Variants in MAZ observed in about 807,000 individuals in gnomAD.
MAZ encodes the protein myc-associated zinc finger protein.
A neutral mutation model predicts 32.7 loss-of-function variants in MAZ; 4 were observed. The observed-to-expected ratio is 0.12, with a 90% CI of 0.06 to 0.28. The LOEUF is 0.28. Among genes scored for constraint, MAZ ranks in the 10% least tolerant of loss-of-function variants. The pLI is 1.00. For missense variants in MAZ, 763 were observed against 667.2 expected, an observed-to-expected ratio of 1.14 and a Z score of -1.58; for synonymous variants, 510 against 297.6, an observed-to-expected ratio of 1.71 and a Z score of -7.35.
At position 29,808,263 on chromosome 16, in the gene MAZ, G is replaced by A. The variant is rs1158670064; in HGVS notation, c.1077G>A (p.Val359=). 3 of 1,614,090 alleles carry A rather than the reference G, an allele frequency of 1.9e-6. No individual in the cohort carries two copies. Among genetic ancestry groups the A allele is most frequent in the South Asian group, 1.1e-5 (1 of 91,080 alleles). The change falls in exon 3 of 5, where the codon GTG becomes GTA. Residue 359 remains valine (V), a synonymous_variant. Coordinates refer to ENST00000322945, the MANE Select transcript of MAZ (RefSeq NM_002383.4). The part of the protein sequence containing the change: ...PDHLNSHVRQ[V]HSTERPFKCE... ...ACCTCAACAGTCACGTCAGACAAGT[G>A]CACTCAACAGAACGGCCCTTCAAAT...
intron 4 of MAZ, 156 bp downstream of exon 4, chr16:29,808,897 G>A: frequency 1.5e-6 from 1 of 660,844 alleles, no homozygotes; most frequent in Non-Finnish European, 2.6e-6. Context: ...ACACCTGAAT[G>A]AACATCATTA....
In MAZ at chr16:29,807,688, C is replaced by T. The variant is rs147807970; in HGVS notation, c.903C>T (p.His301=). 8,917 of 1,612,942 alleles carry T rather than the reference C, an allele frequency of 5.5e-3. 387 individuals are homozygous for T. The African/African-American group carries it at 0.098, about 18-fold the overall frequency. Residue 301 remains histidine (H), a synonymous_variant, in exon 2 of 5, where the codon CAC becomes CAT. Coordinates refer to ENST00000322945, the MANE Select transcript of MAZ (RefSeq NM_002383.4). The part of the protein sequence containing the change: ...VYHLNRHKLS[H]SDEKPYQCPV... Reference sequence around the variant, plus strand: ...ACCTGAACCGACACAAGCTGTCGCACTCGGACGAGAAGCCCTACCAGTGCC... The same window carrying T: ...ACCTGAACCGACACAAGCTGTCGCATTCGGACGAGAAGCCCTACCAGTGCC...
chr16:29,808,390 C>G lies in MAZ; in HGVS notation c.1107+97C>G, dbSNP rs568364275. The G allele has an allele frequency of 5.6e-5, 68 of 1,217,674 alleles. No homozygotes were observed. The African/African-American group carries it at 7.7e-4, about 14-fold the overall frequency. 75.4% of individuals were successfully genotyped at this position (1,217,674 alleles called of 1,614,324 possible). On this transcript the variant is annotated intron_variant, in intron 3 of 4. Coordinates refer to ENST00000322945, the MANE Select transcript of MAZ (RefSeq NM_002383.4). Reference sequence around the variant, plus strand: ...CTCAGACCCCCTTTTTCTCTCTCTTCTTTTTGCCTTTTTGCTCCATTTTCT... The same window carrying G: ...CTCAGACCCCCTTTTTCTCTCTCTTGTTTTTGCCTTTTTGCTCCATTTTCT...
rs996693832 is a variant in MAZ, at chr16:29,807,100, T to TGCTGCCGCCGTC, written c.324_335dup (p.Val109_Ala112dup). 1 of 988,110 alleles carries TGCTGCCGCCGTC rather than the reference T, an allele frequency of 1.0e-6. No homozygotes were observed. The highest frequency in any genetic ancestry group is 1.2e-6 in the Non-Finnish European group (1 of 821,734). 61.2% of individuals were successfully genotyped at this position (988,110 alleles called of 1,614,324 possible). ...CGGCTGCTGCGGCCGCTGCCGCCGC[T>TGCTGCCGCCGTC]GCTGCCGCCGTCGCTGCCGCGCCCC... On this transcript the variant is annotated inframe_insertion, in exon 2 of 5. Coordinates refer to ENST00000322945, the MANE Select transcript of MAZ (RefSeq NM_002383.4).
chr16:29,809,061 C>T (rs986863398), intron 4 of MAZ: 3 of 527,982 alleles, frequency 5.7e-6, no homozygotes, highest in Non-Finnish European at 6.6e-6. Context: ...GTTTCCGCTG[C>T]GCAGCCACAA....
upstream of MAZ, chr16:29,806,141 C>A: frequency 7.7e-7 from 1 of 1,305,048 alleles, no homozygotes; most frequent in Non-Finnish European, 1.0e-6. Flanking sequence ...TCCCTCCCTC[C>A]GCCATGGATC....
Position 29,809,367 on chromosome 16 carries a change from G to C in MAZ, c.1279+626G>C. 3 of 600,388 alleles carry C rather than the reference G, an allele frequency of 5.0e-6. No homozygotes were observed. The South Asian group carries it at 6.0e-5, about 12-fold the overall frequency. The allele number at this position is 600,388 out of a possible 1,614,324, so 37.2% of individuals were successfully genotyped here. ...CACACAAGCCAGGCCCCAGGCTCAG[G>C]GAGGGGCTGTGTCTACCAGCCCCAA... On this transcript the variant is annotated intron_variant, in intron 4 of 4. Coordinates refer to ENST00000322945, the MANE Select transcript of MAZ (RefSeq NM_002383.4).
At chr16:29,808,900 C>A (rs1452869036) in intron 4 of MAZ, 159 bp downstream of exon 4, 6 of 642,220 alleles carry the variant, frequency 9.3e-6, no homozygotes, top group Admixed American at 3.0e-5. Flanking sequence ...CCTGAATGAA[C>A]ATCATTAGAC....
chr16:29,808,809 G>C, intron 4 of MAZ, 68 bp downstream of exon 4: 1 of 1,526,268 alleles, frequency 6.6e-7, no homozygotes, highest in Non-Finnish European at 8.9e-7. Context: ...GCCTTGCCAC[G>C]GATACGGGTT....
chr16:29,808,397 C>A, intron 3 of MAZ, 104 bp downstream of exon 3: 2 of 1,213,574 alleles, frequency 1.6e-6, no homozygotes, highest in Non-Finnish European at 1.2e-6. Flanking sequence ...CTTCTTTTTG[C>A]CTTTTTGCTC....
chr16:29,809,298 A>G, intron 4 of MAZ: 2 of 555,588 alleles, frequency 3.6e-6, no homozygotes, highest in Non-Finnish European at 6.3e-6. Flanking sequence ...TCTCCCGGCC[A>G]TGGAGAATGA....
rs765975427 is a variant in MAZ, at chr16:29,810,581, C to T, written c.*350C>T. 8.6e-6 allele frequency: 6 copies of T among 693,856 alleles called. No individual in the cohort carries two copies. In the South Asian group the frequency reaches 9.0e-5, roughly 10 times the overall value. 43.0% of individuals were successfully genotyped at this position (693,856 alleles called of 1,614,324 possible). A position where few individuals can be genotyped will look rare whatever the true frequency, so the allele number is the denominator to read the frequency against. ...TCCCAGGGACTTGTGAGCCTCTTCC[C>T]TCGACGGTCCTCTTCTCTCCTTCCA... is the stretch of plus-strand genomic sequence containing the variant. On this transcript the variant is annotated 3_prime_UTR_variant, in exon 5 of 5. Transcript: ENST00000322945.
rs1391745433 is a variant in MAZ at position 29,807,779 on chromosome 16, G to A, written c.994G>A (p.Ala332Thr). 1.2e-6 allele frequency: 2 copies of A among 1,611,788 alleles called. No individual in the cohort carries two copies. The highest frequency in any genetic ancestry group is 1.1e-5 in the South Asian group (1 of 91,096). The change falls in exon 2 of 5, where the codon GCT becomes ACT. Residue 332 changes from alanine (A) to threonine (T), a missense_variant. By Grantham distance (58) the Ala-to-Thr change is moderately conservative (BLOSUM62 0). Transcript: ENST00000322945. The stretch of plus-strand genomic sequence containing the variant: ...CTACCACGTGCGCTCACATGACGGC[G>A]CTGTGCACAAGCCCTACAACTGCTC... ...MSYHVRSHDG[A>T]VHKPYNCSHC...
At chr16:29,809,897 CAG>C in intron 4 of MAZ, 178 bp from the exon 5 acceptor site, 1 of 1,152,952 alleles carries the variant, frequency 8.7e-7, no homozygotes. Flanking sequence ...CTTCTGGGCA[CAG>C]GGAGGATCCT....
rs764830098 is a variant in MAZ at position 29,807,371 on chromosome 16, G to A, written c.586G>A (p.Ala196Thr). The A allele has an allele frequency of 5.0e-6, 8 of 1,612,298 alleles. No individual in the cohort carries two copies. The Admixed American group carries it at 6.7e-5, about 13-fold the overall frequency. Residue 196 changes from alanine to threonine, a missense_variant, in exon 2 of 5, where the codon GCC becomes ACC. Coordinates refer to ENST00000322945, the MANE Select transcript of MAZ (RefSeq NM_002383.4). ...SKGPYICALC[A>T]KEFKNGYNLR... Reference sequence around the variant, plus strand: ...GGGGCCCTACATCTGCGCTCTGTGCGCCAAGGAGTTCAAGAACGGCTACAA... The same window carrying A: ...GGGGCCCTACATCTGCGCTCTGTGCACCAAGGAGTTCAAGAACGGCTACAA...
rs532656391 is a variant in MAZ at position 29,810,105 on chromosome 16, G to A, written c.1308G>A (p.Ala436=). 1.9e-6 allele frequency: 3 copies of A among 1,554,308 alleles called. No homozygotes were observed. Among genetic ancestry groups the A allele is most frequent in the South Asian group, 1.2e-5 (1 of 84,520 alleles). The change falls in exon 5 of 5, where the codon GCG becomes GCA. Residue 436 remains alanine (A), a synonymous_variant. Transcript: ENST00000322945. ...KGTGEVCPMA[A]AAAAAAAAAA... is the part of the protein sequence containing the mutation. ...CTGGTGAGGTTTGTCCAATGGCGGC[G>A]GCAGCGGCAGCGGCGGCAGCGGCAG... is the stretch of plus-strand genomic sequence containing the variant.
rs1273120532 is a variant in MAZ, at chr16:29,809,103, G to A, written c.1279+362G>A. On this transcript the variant is annotated intron_variant, in intron 4 of 4. Transcript: ENST00000322945. The stretch of plus-strand genomic sequence containing the variant: ...GTCTCCAGCTCCTGGGGCAGGTGGA[G>A]TACACGGGCCGGGCTTTACCAGCAC... 29 of 519,672 alleles carry A rather than the reference G, an allele frequency of 5.6e-5. No homozygotes were observed. In the East Asian group the frequency reaches 8.4e-4, roughly 15 times the overall value. The allele number at this position is 519,672 out of a possible 1,614,324, so 32.2% of individuals were successfully genotyped here. A position where few individuals can be genotyped will look rare whatever the true frequency, so the allele number is the denominator to read the frequency against.
At position 29,810,085 on chromosome 16, in the gene MAZ, G is replaced by GA; in HGVS notation, c.1289dup (p.Val431GlyfsTer101). 6.2e-7 allele frequency: 1 copy of GA among 1,611,020 alleles called. No individual in the cohort carries two copies. Among genetic ancestry groups the GA allele is most frequent in the Non-Finnish European group, 8.5e-7 (1 of 1,178,644 alleles). On this transcript the variant is annotated frameshift_variant, in exon 5 of 5. Transcript: ENST00000322945. LOFTEE classifies it high-confidence loss of function. ...GTGTTTCTCCTGTGCAGGTACTGGT[G>GA]AGGTTTGTCCAATGGCGGCGGCAGC...
Position 29,808,551 on chromosome 16 carries a change from G to A in MAZ, c.1108-19G>A, listed in dbSNP as rs1362246965. 5.9e-6 allele frequency: 8 copies of A among 1,349,352 alleles called. No homozygotes were observed. Among genetic ancestry groups the A allele is most frequent in the East Asian group, 2.6e-5 (1 of 38,188 alleles). The allele number at this position is 1,349,352 out of a possible 1,614,324, so 83.6% of individuals were successfully genotyped here. On this transcript the variant is annotated intron_variant, in intron 3 of 4. Coordinates refer to ENST00000322945, the MANE Select transcript of MAZ (RefSeq NM_002383.4). ...TTAACTCTCCTGTGACACCCCCCAC[G>A]CCCCTCCCCCCTCCTCAGAAATGTG...
Sources: gnomAD v4.1 joint callset for allele counts on GRCh38, gnomAD v4.1.1 for gene constraint, MANE v1.5 for transcripts, NCBI Gene and HGNC (gene_info 2026-07-23, HGNC 2026-07-21) for gene names.